The following KCNMB2 variants were observed in gnomAD, a reference collection of about 807,000 sequenced individuals.
KCNMB2 encodes calcium-activated potassium channel subunit beta-2.
Under a neutral mutation model 24.5 loss-of-function variants are expected in KCNMB2, and 9 were observed. The observed-to-expected ratio is 0.37, with a 90% confidence interval of 0.22 to 0.64. KCNMB2 has a LOEUF of 0.64. KCNMB2 is among the 30% of genes least tolerant of loss of function. KCNMB2 has a pLI of 0.63. For synonymous variants in KCNMB2, 109 were observed against 104.4 expected (o/e 1.04, Z -0.27); for missense variants, 226 against 284.3 (o/e 0.79, Z 1.47).
chr3:178,703,552 G>C (rs1722178437), intron 1 of KCNMB2, among the ~76,000 whole-genome samples: 1 of 152,052 alleles, frequency 6.6e-6, no homozygotes, highest in Non-Finnish European at 1.5e-5. Flanking sequence ...TATTCATGTT[G>C]AAATTGATAA....
intron 1 of KCNMB2, among the ~76,000 whole-genome samples, chr3:178,644,850 C>T (rs1719858683): frequency 6.6e-6 from 1 of 152,044 alleles, no homozygotes; most frequent in East Asian, 1.9e-4. Flanking sequence ...TTTTGTAGAG[C>T]TTTAGTTTAC....
chr3:178,551,642 T>C (rs1302348642), intron 1 of KCNMB2, among the ~76,000 whole-genome samples: 1 of 152,248 alleles, frequency 6.6e-6, no homozygotes, highest in Admixed American at 6.5e-5. Flanking sequence ...ATTTTGTAGA[T>C]GGCAGACAGT....
rs1553774178 is a variant in KCNMB2 at position 178,757,291 on chromosome 3, G to GAC, written c.-67-50051_-67-50050insCA. ...GTGTGTGTATACATATATCCAAGAGGATATATATATATATATCCATCCAAG... is the reference window on the plus strand; with the variant it reads ...GTGTGTGTATACATATATCCAAGAGGACATATATATATATATATCCATCCAAG... On this transcript the variant is annotated intron_variant, in intron 1 of 4. Coordinates refer to ENST00000452583, the MANE Select transcript of KCNMB2 (RefSeq NM_181361.3). 9.8e-3 allele frequency among the ~76,000 whole-genome samples: 658 copies of GAC among 67,054 alleles called. 14 individuals carry two copies. The highest frequency in any genetic ancestry group is 0.027 in the African/African-American group (594 of 21,854). The allele number at this position is 67,054 out of a possible 152,430, so 44.0% of individuals were successfully genotyped here.
At chr3:178,814,668 C>T (rs1283087609) in intron 2 of KCNMB2, among the ~76,000 whole-genome samples, 1 of 152,112 alleles carries the variant, frequency 6.6e-6, no homozygotes. Context: ...TTAATAATAG[C>T]CATCCTGCAT....
At chr3:178,759,008 G>A (rs374708745) in intron 1 of KCNMB2, among the ~76,000 whole-genome samples, 2 of 606 alleles carry the variant, frequency 3.3e-3, no homozygotes, top group Admixed American at 0.018. Flanking sequence ...TCTCCAAGAG[G>A]GATATATATA....
At chr3:178,621,635 T>C (rs1022707350) in intron 1 of KCNMB2, among the ~76,000 whole-genome samples, 1 of 152,320 alleles carries the variant, frequency 6.6e-6, no homozygotes, top group East Asian at 1.9e-4. Flanking sequence ...ATTGCACTTA[T>C]TATAATCAAT....
intron 1 of KCNMB2, among the ~76,000 whole-genome samples, chr3:178,759,201 T>C (rs1312268252): frequency 8.7e-6 from 1 of 115,084 alleles, no homozygotes; most frequent in Admixed American, 9.2e-5. Flanking sequence ...CCAAGAGGGA[T>C]ATATATATAT....
At chr3:178,610,667 C>T (rs1417813197) in intron 1 of KCNMB2, among the ~76,000 whole-genome samples, 1 of 152,048 alleles carries the variant, frequency 6.6e-6, no homozygotes. Flanking sequence ...AAAGTTTTTC[C>T]AAATCTTAGA....
chr3:178,763,619 T>C (rs1002103636), intron 1 of KCNMB2, among the ~76,000 whole-genome samples: 4 of 152,164 alleles, frequency 2.6e-5, no homozygotes, highest in Non-Finnish European at 5.9e-5. Flanking sequence ...ATTTCTGAGA[T>C]GGTGCAGATA....
chr3:178,811,048 G>A lies in KCNMB2; in HGVS notation c.56+3583G>A, dbSNP rs574641641. ...ATTACAGGCGTGGGCCACCACACCC[G>A]GCCCGATCCCTAAATTTCAAGCAGC... On this transcript the variant is annotated intron_variant, in intron 2 of 4. Transcript: ENST00000452583. 2.6e-3 allele frequency among the ~76,000 whole-genome samples: 401 copies of A among 151,548 alleles called. 3 individuals are homozygous for A. Among genetic ancestry groups the A allele is most frequent in the African/African-American group, 9.2e-3 (381 of 41,332 alleles).
chr3:178,793,811 C>T (rs764981269), intron 1 of KCNMB2, among the ~76,000 whole-genome samples: 3 of 152,078 alleles, frequency 2.0e-5, no homozygotes, highest in Non-Finnish European at 4.4e-5. Flanking sequence ...GCCAAGGAGT[C>T]TGAAAACAGC....
At chr3:178,651,279 C>A (rs1480234959) in intron 1 of KCNMB2, among the ~76,000 whole-genome samples, 4 of 151,962 alleles carry the variant, frequency 2.6e-5, no homozygotes, top group African/African-American at 9.7e-5. Flanking sequence ...TTCCTATTCA[C>A]CAAACAGAGA....
intron 1 of KCNMB2, among the ~76,000 whole-genome samples, chr3:178,745,710 C>G (rs1256987016): frequency 6.6e-6 from 1 of 152,218 alleles, no homozygotes; most frequent in East Asian, 1.9e-4. Context: ...GGGGGTACAG[C>G]ATTGGGTAAA....
intron 2 of KCNMB2, among the ~76,000 whole-genome samples, chr3:178,818,166 G>A (rs561371854): frequency 1.9e-4 from 29 of 152,222 alleles, no homozygotes; most frequent in African/African-American, 5.8e-4. Flanking sequence ...TAGTGGCCAC[G>A]CTGTCTTTTG....
At chr3:178,601,676 A>G (rs1356799870) in intron 1 of KCNMB2, among the ~76,000 whole-genome samples, 2 of 152,224 alleles carry the variant, frequency 1.3e-5, no homozygotes, top group Non-Finnish European at 1.5e-5. Flanking sequence ...TATTTTACCT[A>G]GAGGCCTTGG....
intron 2 of KCNMB2, among the ~76,000 whole-genome samples, chr3:178,810,902 C>CTTTT (rs56925343): frequency 1.9e-5 from 2 of 107,984 alleles, no homozygotes; most frequent in Non-Finnish European, 3.6e-5. Flanking sequence ...ACCTGGCTAA[C>CTTTT]TTTTTTTTTT....
intron 1 of KCNMB2, among the ~76,000 whole-genome samples, chr3:178,804,014 T>C (rs980097298): frequency 2.0e-5 from 3 of 152,234 alleles, no homozygotes; most frequent in African/African-American, 7.2e-5. Flanking sequence ...TCTGCCAGGT[T>C]CACTCCAGTT....
At chr3:178,606,095 G>A (rs1234109007) in intron 1 of KCNMB2, among the ~76,000 whole-genome samples, 2 of 152,192 alleles carry the variant, frequency 1.3e-5, no homozygotes, top group Non-Finnish European at 2.9e-5. Context: ...GAGATAGGAA[G>A]GAATGAAGGG....
chr3:178,776,348 A>T (rs958517099), intron 1 of KCNMB2, among the ~76,000 whole-genome samples: 3 of 152,096 alleles, frequency 2.0e-5, no homozygotes, highest in African/African-American at 7.2e-5. Context: ...TATATCTTCT[A>T]AATACTGCCT....
Sources: gnomAD v4.1 joint callset for allele counts (sites outside exome capture counted in the v4.1 genomes callset) on GRCh38, gnomAD v4.1.1 for gene constraint, MANE v1.5 for transcripts, NCBI Gene and HGNC (gene_info 2026-07-23, HGNC 2026-07-21) for gene names.